The following STIM1 variants were observed in gnomAD, a reference collection of about 807,000 sequenced individuals.
The protein encoded by STIM1 is stromal interaction molecule 1.
In STIM1, 25 loss-of-function variants were observed where a neutral mutation model predicts 74.7. That is an observed-to-expected ratio of 0.33 (90% CI 0.24 to 0.47). The LOEUF (loss-of-function observed/expected upper bound fraction) is 0.47. Among genes scored for constraint, STIM1 ranks in the 20% least tolerant of loss-of-function variants. The pLI is 1.00. For synonymous variants in STIM1, 328 were observed against 348.8 expected (o/e 0.94, Z 0.66); for missense variants, 728 against 920.8 (o/e 0.79, Z 2.71).
chr11:4,048,218 C>T (rs1306373440), intron 3 of STIM1, among the ~76,000 whole-genome samples: 4 of 152,192 alleles, frequency 2.6e-5, no homozygotes, highest in East Asian at 1.9e-4. Context: ...TGGCTTCTTG[C>T]TGCTTACAGC....
At chr11:3,920,406 T>G (rs553160195) in intron 1 of STIM1, among the ~76,000 whole-genome samples, 2 of 152,360 alleles carry the variant, frequency 1.3e-5, no homozygotes, top group East Asian at 3.9e-4. Context: ...GTCTACTTTC[T>G]GTCTCCATGA....
At chr11:3,865,235 T>A (rs144551975) in intron 1 of STIM1, among the ~76,000 whole-genome samples, 1 of 152,284 alleles carries the variant, frequency 6.6e-6, no homozygotes, top group African/African-American at 2.4e-5. Flanking sequence ...AGAGACCATC[T>A]CTCCCAAACT....
At chr11:4,005,670 G>A (rs1467320587) in intron 2 of STIM1, among the ~76,000 whole-genome samples, 1 of 152,002 alleles carries the variant, frequency 6.6e-6, no homozygotes, top group Non-Finnish European at 1.5e-5. Flanking sequence ...CATGGCACAT[G>A]TATACATATA....
At chr11:4,004,329 C>G (rs2093753990) in intron 2 of STIM1, among the ~76,000 whole-genome samples, 1 of 151,958 alleles carries the variant, frequency 6.6e-6, no homozygotes, top group Non-Finnish European at 1.5e-5. Context: ...TACCTGACTT[C>G]AAACTATACT....
chr11:3,925,552 A>G (rs1326964618), intron 1 of STIM1, among the ~76,000 whole-genome samples: 2 of 152,232 alleles, frequency 1.3e-5, no homozygotes, highest in African/African-American at 4.8e-5. Flanking sequence ...TTAGCACTGG[A>G]TTGAATATCT....
intron 2 of STIM1, among the ~76,000 whole-genome samples, chr11:4,000,205 G>C (rs4353268): frequency 0.7 from 64,470 of 91,648 alleles, 24,632 homozygotes; most frequent in East Asian, 0.86. Context: ...ACTTAAATGT[G>C]CCTGTCTGAC....
intron 2 of STIM1, among the ~76,000 whole-genome samples, chr11:3,968,748 T>C (rs545044683): frequency 1.0e-3 from 154 of 152,298 alleles, no homozygotes; most frequent in African/African-American, 3.5e-3. Context: ...TATCTTTAAA[T>C]ACATAAGAAG....
intron 5 of STIM1, among the ~76,000 whole-genome samples, chr11:4,065,661 G>A (rs2094360945): frequency 6.6e-6 from 1 of 152,084 alleles, no homozygotes. Context: ...CAGAAGTGAG[G>A]GGATTTGGGA....
chr11:4,044,189 G>C (rs1378835893), intron 3 of STIM1, among the ~76,000 whole-genome samples: 11 of 152,090 alleles, frequency 7.2e-5, no homozygotes, highest in Non-Finnish European at 2.9e-5. Flanking sequence ...ACAGGCTCAG[G>C]GGATGGGAGA....
At chr11:4,079,914 A>G (rs1432953758) in intron 7 of STIM1, among the ~76,000 whole-genome samples, 1 of 152,152 alleles carries the variant, frequency 6.6e-6, no homozygotes, top group Non-Finnish European at 1.5e-5. Context: ...GGACCCAGGT[A>G]TCTGTGTTTT....
At chr11:4,083,634 AAAGCACAATT>A in intron 10 of STIM1, 136 bp downstream of exon 10, 1 of 830,308 alleles carries the variant, frequency 1.2e-6, no homozygotes, top group Non-Finnish European at 2.0e-6. Context: ...CTTGGTCAAT[AAAGCACAATT>A]TACTCAGGTT....
At chr11:4,089,276 C>A (rs1337008238) in intron 12 of STIM1, among the ~76,000 whole-genome samples, 1 of 152,118 alleles carries the variant, frequency 6.6e-6, no homozygotes, top group Non-Finnish European at 1.5e-5. Context: ...GGGGTCTGGT[C>A]CAGGAGAAGT....
chr11:3,981,303 C>G (rs2093502949), intron 2 of STIM1, among the ~76,000 whole-genome samples: 1 of 152,170 alleles, frequency 6.6e-6, no homozygotes, highest in Admixed American at 6.5e-5. Context: ...TGGCATGAAC[C>G]TTATGTTTGT....
chr11:3,859,290 C>T (rs1288769803), intron 1 of STIM1, among the ~76,000 whole-genome samples: 4 of 152,142 alleles, frequency 2.6e-5, no homozygotes, highest in Non-Finnish European at 2.9e-5. Flanking sequence ...CTCACTGGGC[C>T]GTGGAGAGGC....
At chr11:3,869,600 T>C (rs1263591705) in intron 1 of STIM1, among the ~76,000 whole-genome samples, 1 of 152,112 alleles carries the variant, frequency 6.6e-6, no homozygotes, top group Non-Finnish European at 1.5e-5. Context: ...GGGGCAGTAG[T>C]TTAGATTGGC....
At position 4,086,515 on chromosome 11, in the gene STIM1, G is replaced by A; in HGVS notation, c.1606G>A (p.Glu536Lys). 1 of 1,614,206 alleles carries A rather than the reference G, an allele frequency of 6.2e-7. No homozygotes were observed. Among genetic ancestry groups the A allele is most frequent in the Non-Finnish European group, 8.5e-7 (1 of 1,180,038 alleles). Residue 536 changes from glutamate to lysine, a missense_variant, in exon 12 of 13, where the codon GAG becomes AAG. Physicochemically the swap from Glu to Lys is moderately conservative, Grantham distance 56. Coordinates refer to ENST00000526596, the MANE Select transcript of STIM1 (RefSeq NM_001382567.1). ...LQSSVRQRLT[E>K]PQHGLGSQRD... is the part of the protein sequence containing the mutation. ...GAGCAGTGTTCGGCAGCGCCTGACG[G>A]AGCCACAGCATGGCCTGGGATCTCA...
chr11:3,954,041 G>A (rs958663557), intron 1 of STIM1, among the ~76,000 whole-genome samples: 1 of 152,078 alleles, frequency 6.6e-6, no homozygotes, highest in Non-Finnish European at 1.5e-5. Flanking sequence ...CTCCCAAAGT[G>A]CTGGGATTAC....
chr11:4,001,903 A>C lies in STIM1; in HGVS notation c.271-21970A>C, dbSNP rs1179792268. 4.4e-5 allele frequency among the ~76,000 whole-genome samples: 6 copies of C among 137,550 alleles called. No individual in the cohort carries two copies. The South Asian group carries it at 8.0e-4, about 18-fold the overall frequency. 90.2% of individuals were successfully genotyped at this position (137,550 alleles called of 152,430 possible). A position where few individuals can be genotyped will look rare whatever the true frequency, so the allele number is the denominator to read the frequency against. On this transcript the variant is annotated intron_variant, in intron 2 of 12. Transcript: ENST00000526596. ...AAGGATGGAGGAAGATCTACCAAGC[A>C]AATGGAAAACAAAAAAAGGCAGGGG...
Position 3,967,690 on chromosome 11 carries a change from C to T in STIM1, c.270+8C>T. The T allele has an allele frequency of 2.5e-6, 4 of 1,614,140 alleles. No individual in the cohort carries two copies. The highest frequency in any genetic ancestry group is 2.2e-5 in the South Asian group (2 of 91,086). On this transcript the variant is annotated splice_region_variant and intron_variant, in intron 2 of 12. Coordinates refer to ENST00000526596, the MANE Select transcript of STIM1 (RefSeq NM_001382567.1). The stretch of plus-strand genomic sequence containing the variant: ...GTGGAAGAAAGTGATGAGGTGAGCT[C>T]TCCCATCCTGCTATGTCTCTCTTTT...
Sources: gnomAD v4.1 joint callset for allele counts (sites outside exome capture counted in the v4.1 genomes callset) on GRCh38, gnomAD v4.1.1 for gene constraint, MANE v1.5 for transcripts, NCBI Gene and HGNC (gene_info 2026-07-23, HGNC 2026-07-21) for gene names.